STAU1: variants seen among roughly 807,000 people sequenced by gnomAD.
The protein encoded by STAU1 is staufen double-stranded RNA binding protein 1.
In STAU1, 13 loss-of-function variants were observed where a neutral mutation model predicts 62.9. That is an observed-to-expected ratio of 0.21 (90% CI 0.13 to 0.33). The LOEUF (loss-of-function observed/expected upper bound fraction) is 0.33. Ranked by LOEUF, STAU1 falls within the 10% of genes least tolerant of loss-of-function variation. The pLI is 1.00. For missense variants in STAU1, 571 were observed against 712.1 expected, an observed-to-expected ratio of 0.80 and a Z score of 2.25; for synonymous variants, 269 against 265.1, an observed-to-expected ratio of 1.01 and a Z score of -0.14.
chr20:49,202,219 CA>C, the STAU1 span, among the ~76,000 whole-genome samples: 19 of 80,304 alleles, frequency 2.4e-4, no homozygotes, highest in African/African-American at 8.4e-4. Context: ...GACTCCATCT[CA>C]AAAAAAAAAA....
At chr20:49,171,045 C>T (rs1448261190) in intron 2 of STAU1, among the ~76,000 whole-genome samples, 1 of 152,208 alleles carries the variant, frequency 6.6e-6, no homozygotes, top group African/African-American at 2.4e-5. Context: ...TGGCAGATTG[C>T]ACATTCTTAA....
chr20:49,158,541 G>A (rs2093399600), intron 3 of STAU1: 32 of 1,289,586 alleles, frequency 2.5e-5, no homozygotes, highest in Non-Finnish European at 3.1e-5. Flanking sequence ...CAGGTGCAGT[G>A]GCTCATGCCT....
chr20:49,134,615 A>T, intron 6 of STAU1: 1 of 1,284,628 alleles, frequency 7.8e-7, no homozygotes, highest in Non-Finnish European at 1.1e-6. Context: ...GGATGAAGCC[A>T]ACTATTACTT....
the STAU1 span, among the ~76,000 whole-genome samples, chr20:49,205,889 G>A: frequency 6.7e-6 from 1 of 150,268 alleles, no homozygotes; most frequent in Non-Finnish European, 1.5e-5. Context: ...GGTCAGGCTG[G>A]TCTCAAACTC....
chr20:49,125,585 G>A (rs1196779452), intron 6 of STAU1, among the ~76,000 whole-genome samples: 3 of 147,214 alleles, frequency 2.0e-5, no homozygotes, highest in African/African-American at 7.5e-5. Flanking sequence ...GGTGGCTCAC[G>A]CCTGTAATCC....
chr20:49,158,416 T>C (rs1377752084), intron 3 of STAU1: 1 of 1,304,310 alleles, frequency 7.7e-7, no homozygotes, highest in Non-Finnish European at 1.0e-6. Context: ...ATTTGGTGCC[T>C]TAAGGGGTGA....
At chr20:49,195,535 CAAAAAAAAAAAAAAAA>C in the STAU1 span, among the ~76,000 whole-genome samples, 1 of 38,146 alleles carries the variant, frequency 2.6e-5, no homozygotes, top group East Asian at 2.6e-3. Context: ...GACTCCGTCT[CAAAAAAAAAAAAAAAA>C]AAAAAAAAAA....
At position 49,184,368 on chromosome 20, in the gene STAU1, G is replaced by A. The variant is rs372625090; in HGVS notation, c.-160+3748C>T. 5.3e-5 allele frequency among the ~76,000 whole-genome samples: 8 copies of A among 152,080 alleles called. No individual in the cohort carries two copies. The East Asian group carries it at 7.7e-4, about 15-fold the overall frequency. On this transcript the variant is annotated intron_variant, in intron 1 of 13. Coordinates refer to ENST00000371856, the MANE Select transcript of STAU1 (RefSeq NM_017453.4). ...TCTCAGCAGCTTAGGGTGCAAGGCC[G>A]GAACCAGTCCTGGACAGGACATCCA...
chr20:49,206,043 G>A, the STAU1 span, among the ~76,000 whole-genome samples: 1 of 144,964 alleles, frequency 6.9e-6, no homozygotes, highest in Non-Finnish European at 1.5e-5. Context: ...GGGTGCAGTG[G>A]CACGATCTCG....
intron 6 of STAU1, among the ~76,000 whole-genome samples, chr20:49,124,930 T>C (rs1475878657): frequency 6.6e-6 from 1 of 151,782 alleles, no homozygotes; most frequent in Non-Finnish European, 1.5e-5. Context: ...ATAAATGCAG[T>C]ACAAATGCTC....
At chr20:49,186,635 A>G (rs1461525775) in intron 1 of STAU1, among the ~76,000 whole-genome samples, 1 of 152,128 alleles carries the variant, frequency 6.6e-6, no homozygotes, top group Non-Finnish European at 1.5e-5. Context: ...GAATTTTTAA[A>G]AACCCAGTAT....
chr20:49,182,654 C>T (rs2093739246), intron 1 of STAU1, among the ~76,000 whole-genome samples: 3 of 152,044 alleles, frequency 2.0e-5, no homozygotes, highest in South Asian at 2.1e-4. Context: ...CTAGCTAACA[C>T]GGTGAAACCC....
At chr20:49,171,427 C>G (rs2093595246) in intron 2 of STAU1, among the ~76,000 whole-genome samples, 1 of 152,200 alleles carries the variant, frequency 6.6e-6, no homozygotes, top group African/African-American at 2.4e-5. Flanking sequence ...CTCCAAGTAG[C>G]TGGGACTACA....
At chr20:49,206,905 G>A in the STAU1 span, among the ~76,000 whole-genome samples, 8 of 150,946 alleles carry the variant, frequency 5.3e-5, no homozygotes, top group East Asian at 2.0e-4. Context: ...ACAGGCGTGC[G>A]CCACCACACC....
chr20:49,132,408 C>T (rs1600666211), intron 6 of STAU1, among the ~76,000 whole-genome samples: 2 of 152,124 alleles, frequency 1.3e-5, no homozygotes, highest in East Asian at 3.8e-4. Flanking sequence ...AATTGTCTCC[C>T]GATGACCGTA....
In STAU1 at chr20:49,165,942, G is replaced by C; in HGVS notation, c.205+55C>G. 1.9e-6 allele frequency: 3 copies of C among 1,587,120 alleles called. No individual in the cohort carries two copies. In the South Asian group the frequency reaches 3.3e-5, roughly 18 times the overall value. The stretch of plus-strand genomic sequence containing the variant: ...CCTAAATCTGCAACCTATCAGATCA[G>C]AAAACAGGGTAAGAAAACATTTGAA... On this transcript the variant is annotated intron_variant, in intron 3 of 13. Coordinates refer to ENST00000371856, the MANE Select transcript of STAU1 (RefSeq NM_017453.4).
chr20:49,214,116 G>T, the STAU1 span, among the ~76,000 whole-genome samples: 2 of 152,210 alleles, frequency 1.3e-5, no homozygotes, highest in Non-Finnish European at 2.9e-5. Context: ...GGAAGCTGAG[G>T]CAGGGAAATT....
chr20:49,170,006 C>A (rs1217047892), intron 2 of STAU1, among the ~76,000 whole-genome samples: 1 of 152,188 alleles, frequency 6.6e-6, no homozygotes. Flanking sequence ...CTGGCAGTTA[C>A]CGTTTTACAA....
chr20:49,217,679 A>ATATAT, the STAU1 span, among the ~76,000 whole-genome samples: 1 of 143,456 alleles, frequency 7.0e-6, no homozygotes, highest in Non-Finnish European at 1.5e-5. Flanking sequence ...CTTTTAAAAT[A>ATATAT]TATATATATA....
Sources: allele counts gnomAD v4.1 joint callset (sites outside exome capture counted in the v4.1 genomes callset), GRCh38; gene constraint gnomAD v4.1.1; transcripts MANE v1.5; gene names NCBI Gene and HGNC (gene_info 2026-07-23, HGNC 2026-07-21).